The following PTPN22 variants were observed in gnomAD, a reference collection of about 807,000 sequenced individuals.
PTPN22 encodes the protein protein tyrosine phosphatase non-receptor type 22.
In PTPN22, 85 loss-of-function variants were observed where a neutral mutation model predicts 103.3. That is an observed-to-expected ratio of 0.82 (90% CI 0.69 to 0.99). PTPN22 has a LOEUF of 0.99. Among genes scored for constraint, PTPN22 ranks in the 50% least tolerant of loss-of-function variants. PTPN22 has a pLI of 0.00. For synonymous variants in PTPN22, 323 were observed against 310.2 expected (o/e 1.04, Z -0.43); for missense variants, 865 against 936.9 (o/e 0.92, Z 1.00).
chr1:113,871,426 G>T, intron 1 of PTPN22, 111 bp downstream of exon 1: 1 of 783,098 alleles, frequency 1.3e-6, no homozygotes, highest in Non-Finnish European at 2.1e-6. Flanking sequence ...TCCCCGCCAA[G>T]GTCTCATATT....
intron 18 of PTPN22, among the ~76,000 whole-genome samples, chr1:113,826,451 G>C (rs1273868867): frequency 4.0e-5 from 5 of 125,704 alleles, no homozygotes; most frequent in Non-Finnish European, 8.4e-5. Context: ...AAGGGACTCA[G>C]AGGGGTAGAG....
rs1026645962 is a variant in PTPN22, at chr1:113,857,792, G to A, written c.370-16C>T. 2 of 1,603,918 alleles carry A rather than the reference G, an allele frequency of 1.2e-6. No homozygotes were observed. The highest frequency in any genetic ancestry group is 1.7e-6 in the Non-Finnish European group (2 of 1,173,890). On this transcript the variant is annotated splice_polypyrimidine_tract_variant and intron_variant, in intron 4 of 20. Transcript: ENST00000359785. ...TAACAATGATCTGGGGGATGAAATAGATAGAAACTTAAACATTCATATATA... is the reference window on the plus strand; with the variant it reads ...TAACAATGATCTGGGGGATGAAATAAATAGAAACTTAAACATTCATATATA...
rs113883107 is a variant in PTPN22 at position 113,865,824 on chromosome 1, T to C, written c.87+5713A>G. Among the ~76,000 whole-genome samples, 643 of 152,334 alleles carry C rather than the reference T, an allele frequency of 4.2e-3. 2 individuals are homozygous for C. The highest frequency in any genetic ancestry group is 0.015 in the African/African-American group (619 of 41,568). On this transcript the variant is annotated intron_variant, in intron 1 of 20. Transcript: ENST00000359785. ...AATGGAGAAATAAATTATTTGGGTATTACTATGTCTCAGGAAGTTTATATA... is the reference window on the plus strand; with the variant it reads ...AATGGAGAAATAAATTATTTGGGTACTACTATGTCTCAGGAAGTTTATATA...
chr1:113,866,935 C>T (rs866176063), intron 1 of PTPN22, among the ~76,000 whole-genome samples: 8 of 151,940 alleles, frequency 5.3e-5, no homozygotes, highest in Middle Eastern at 3.2e-3. Flanking sequence ...TTAGTGGAGA[C>T]GGGGTTTCAT....
At chr1:113,855,015 T>G (rs1447195029) in exon 8 of PTPN22, 3 of 1,610,234 alleles carry the variant, frequency 1.9e-6, no homozygotes, top group Non-Finnish European at 2.5e-6. Flanking sequence ...GTCTGGCCAA[T>G]TCTTGTAATG....
chr1:113,859,138 A>G (rs1665348877), intron 2 of PTPN22, 60 bp from the exon 3 acceptor site: 2 of 1,597,846 alleles, frequency 1.3e-6, no homozygotes, highest in Admixed American at 3.5e-5. Context: ...GATTTAAATC[A>G]GGGCCTAACA....
chr1:113,871,473 G>T (rs968490181), intron 1 of PTPN22, 64 bp downstream of exon 1: 80 of 1,352,360 alleles, frequency 5.9e-5, no homozygotes, highest in Non-Finnish European at 8.1e-5. Context: ...TCGGAAAATT[G>T]GACCCCCATA....
Position 113,852,105 on chromosome 1 carries a change from C to A in PTPN22, c.751-1G>T. On this transcript the variant is annotated splice_acceptor_variant, in intron 9 of 20. Transcript: ENST00000359785. LOFTEE classifies it high-confidence loss of function. ...AAACACTGAAGTTCTCAGGAATTAT[C>A]TATCAAATTAAAGGGGAAAATATTC... is the stretch of plus-strand genomic sequence containing the variant. The A allele has an allele frequency of 1.3e-6, 2 of 1,599,932 alleles. No homozygotes were observed. The highest frequency in any genetic ancestry group is 8.6e-7 in the Non-Finnish European group (1 of 1,167,868).
exon 21 of PTPN22, chr1:113,814,618 C>A: frequency 3.9e-6 from 1 of 253,666 alleles, no homozygotes; most frequent in South Asian, 1.0e-4. Flanking sequence ...AAATAACTGG[C>A]AAAAATGAAA....
intron 16 of PTPN22, 66 bp downstream of exon 16, chr1:113,833,045 A>C: frequency 6.9e-7 from 1 of 1,439,022 alleles, no homozygotes; most frequent in South Asian, 1.2e-5. Flanking sequence ...GAATTACTCT[A>C]AACTTAACGA....
chr1:113,855,610 G>A (rs866722186), intron 7 of PTPN22, among the ~76,000 whole-genome samples: 4 of 151,658 alleles, frequency 2.6e-5, no homozygotes, highest in Admixed American at 2.0e-4. Flanking sequence ...ACAACAGTCC[G>A]GCATACTAAG....
chr1:113,869,535 C>G (rs1666402764), intron 1 of PTPN22, among the ~76,000 whole-genome samples: 1 of 151,894 alleles, frequency 6.6e-6, no homozygotes, highest in Admixed American at 6.6e-5. Context: ...GCTAGGATTA[C>G]AGGTGCCTGC....
intron 20 of PTPN22, among the ~76,000 whole-genome samples, chr1:113,818,065 T>C (rs1661301058): frequency 1.3e-5 from 2 of 151,900 alleles, no homozygotes; most frequent in South Asian, 4.1e-4. Context: ...GCTGGGATTA[T>C]AGGCATGAAC....
chr1:113,842,707 A>T (rs1175148831), intron 11 of PTPN22, among the ~76,000 whole-genome samples: 1 of 152,030 alleles, frequency 6.6e-6, no homozygotes, highest in African/African-American at 2.4e-5. Context: ...CAGAAAATAA[A>T]AAGTGTTGGC....
intron 3 of PTPN22, 114 bp downstream of exon 3, chr1:113,858,888 C>T: frequency 1.4e-6 from 2 of 1,465,260 alleles, no homozygotes; most frequent in South Asian, 1.4e-5. Flanking sequence ...ATCTTTCCGC[C>T]TCAGCCTCCC....
chr1:113,860,761 A>AG (rs1335668999), intron 1 of PTPN22, among the ~76,000 whole-genome samples: 1 of 152,208 alleles, frequency 6.6e-6, no homozygotes, highest in Non-Finnish European at 1.5e-5. Context: ...GCTGCTGAAA[A>AG]GATCTCAAGT....
chr1:113,838,345 G>A (rs764668046), exon 13 of PTPN22: 11 of 1,603,092 alleles, frequency 6.9e-6, no homozygotes, highest in Non-Finnish European at 9.4e-6. Context: ...GTCAAAGGAA[G>A]AAGATTCTTT....
chr1:113,859,204 A>G, intron 2 of PTPN22, 126 bp from the exon 3 acceptor site: 1 of 1,551,396 alleles, frequency 6.4e-7, no homozygotes, highest in Non-Finnish European at 8.7e-7. Context: ...GAATGAATGA[A>G]TGAATATTCT....
intron 13 of PTPN22, 58 bp downstream of exon 13, chr1:113,837,532 A>C: frequency 8.0e-7 from 1 of 1,257,246 alleles, no homozygotes; most frequent in South Asian, 1.4e-5. Context: ...GAAACCAACT[A>C]TTCTATAGAA....
Sources: gnomAD v4.1 joint callset for allele counts (sites outside exome capture counted in the v4.1 genomes callset) on GRCh38, gnomAD v4.1.1 for gene constraint, MANE v1.5 for transcripts, NCBI Gene and HGNC (gene_info 2026-07-23, HGNC 2026-07-21) for gene names.